The following SYNDIG1 variants were observed in gnomAD, a reference collection of about 807,000 sequenced individuals.
SYNDIG1 encodes synapse differentiation inducing 1.
SYNDIG1 carries 9 observed loss-of-function variants against 19.4 expected under a neutral mutation model. The observed-to-expected ratio is 0.46, with a 90% CI of 0.28 to 0.81. The LOEUF (loss-of-function observed/expected upper bound fraction) is 0.81. Among genes scored for constraint, SYNDIG1 ranks in the 30% least tolerant of loss-of-function variants. The pLI is 0.12. For synonymous variants in SYNDIG1, 141 were observed against 145.9 expected (o/e 0.97, Z 0.24); for missense variants, 311 against 343.3 (o/e 0.91, Z 0.74).
chr20:24,627,129 G>C (rs2059158450), intron 3 of SYNDIG1, among the ~76,000 whole-genome samples: 1 of 138,646 alleles, frequency 7.2e-6, no homozygotes, highest in Non-Finnish European at 1.5e-5. Flanking sequence ...ACCGTGGGGA[G>C]AGGGAGAGGG....
intron 1 of SYNDIG1, among the ~76,000 whole-genome samples, chr20:24,521,344 G>T (rs1440777560): frequency 6.6e-6 from 1 of 152,160 alleles, no homozygotes; most frequent in Middle Eastern, 3.4e-3. Context: ...GCCTTACTCT[G>T]TTGCCCAGGC....
At chr20:24,568,637 C>T (rs1371803180) in intron 2 of SYNDIG1, among the ~76,000 whole-genome samples, 2 of 152,198 alleles carry the variant, frequency 1.3e-5, no homozygotes, top group East Asian at 3.8e-4. Context: ...GTCCTGATCA[C>T]CTCCGTGGAT....
intron 1 of SYNDIG1, among the ~76,000 whole-genome samples, chr20:24,521,270 A>G (rs377425702): frequency 1.3e-5 from 2 of 152,102 alleles, no homozygotes; most frequent in African/African-American, 2.4e-5. Flanking sequence ...TCATGATGCT[A>G]TGCACTTCAG....
intron 3 of SYNDIG1, among the ~76,000 whole-genome samples, chr20:24,599,589 C>T (rs1209673223): frequency 6.6e-6 from 1 of 152,112 alleles, no homozygotes; most frequent in Admixed American, 6.6e-5. Context: ...ACCGAAGTGC[C>T]AATCAGTGGA....
chr20:24,589,484 G>C (rs544073113), intron 3 of SYNDIG1, among the ~76,000 whole-genome samples: 4 of 152,344 alleles, frequency 2.6e-5, no homozygotes, highest in Admixed American at 2.0e-4. Flanking sequence ...AAGGCTTGCA[G>C]GGGAGGAAAG....
At chr20:24,538,501 A>T (rs2057405448) in intron 1 of SYNDIG1, among the ~76,000 whole-genome samples, 1 of 152,156 alleles carries the variant, frequency 6.6e-6, no homozygotes, top group Non-Finnish European at 1.5e-5. Context: ...TTATCCATTC[A>T]TCCACAGACA....
intron 1 of SYNDIG1, among the ~76,000 whole-genome samples, chr20:24,490,020 A>G (rs779615279): frequency 1.3e-5 from 2 of 152,204 alleles, no homozygotes; most frequent in African/African-American, 4.8e-5. Context: ...GCTCCCACAA[A>G]TAACAGAAGA....
At chr20:24,632,294 C>G (rs187162779) in intron 3 of SYNDIG1, among the ~76,000 whole-genome samples, 42 of 152,248 alleles carry the variant, frequency 2.8e-4, no homozygotes, top group African/African-American at 9.4e-4. Context: ...GGCTGGAGTG[C>G]AGTGGTGCGA....
intron 1 of SYNDIG1, among the ~76,000 whole-genome samples, chr20:24,529,162 C>A (rs992802456): frequency 6.6e-6 from 1 of 152,212 alleles, no homozygotes; most frequent in African/African-American, 2.4e-5. Context: ...CATTCACAAT[C>A]TTATCAGTTA....
At chr20:24,522,537 G>C (rs2057027177) in intron 1 of SYNDIG1, among the ~76,000 whole-genome samples, 1 of 152,070 alleles carries the variant, frequency 6.6e-6, no homozygotes, top group Admixed American at 6.6e-5. Flanking sequence ...AACTTCTTAG[G>C]GATGTATTAT....
At chr20:24,485,619 A>G (rs1435337050) in intron 1 of SYNDIG1, among the ~76,000 whole-genome samples, 1 of 152,170 alleles carries the variant, frequency 6.6e-6, no homozygotes, top group Non-Finnish European at 1.5e-5. Flanking sequence ...TTTATTTCGT[A>G]CAGTAATATC....
chr20:24,566,596 C>G lies in SYNDIG1; in HGVS notation c.481-18260C>G, dbSNP rs112625053. ...TGTTCTGATTACATTTGGCTGCAAT[C>G]ACTAATCACTAATCACTGCACACAT... On this transcript the variant is annotated intron_variant, in intron 2 of 3. Transcript: ENST00000376862. 3.3e-3 allele frequency among the ~76,000 whole-genome samples: 495 copies of G among 152,282 alleles called. 1 individual carries two copies. The highest frequency in any genetic ancestry group is 0.011 in the African/African-American group (474 of 41,560).
chr20:24,493,690 T>C (rs1028450704), intron 1 of SYNDIG1, among the ~76,000 whole-genome samples: 15 of 152,142 alleles, frequency 9.9e-5, no homozygotes, highest in African/African-American at 3.6e-4. Flanking sequence ...AAATGCTCAG[T>C]GGAGTTGGTG....
chr20:24,526,281 T>C (rs1467008139), intron 1 of SYNDIG1, among the ~76,000 whole-genome samples: 1 of 151,788 alleles, frequency 6.6e-6, no homozygotes, highest in Non-Finnish European at 1.5e-5. Context: ...CAACTTTTTT[T>C]TTATGTTTCA....
chr20:24,531,380 AG>A (rs1324394103), intron 1 of SYNDIG1, among the ~76,000 whole-genome samples: 1 of 152,208 alleles, frequency 6.6e-6, no homozygotes, highest in Non-Finnish European at 1.5e-5. Flanking sequence ...TGTTTAAGAA[AG>A]GGAGATGAGT....
chr20:24,544,745 C>T (rs969398125), intron 2 of SYNDIG1, among the ~76,000 whole-genome samples: 3 of 152,098 alleles, frequency 2.0e-5, no homozygotes, highest in Non-Finnish European at 4.4e-5. Context: ...ATCAGCACAG[C>T]CAGAGAAGCT....
At chr20:24,504,078 GCCT>G (rs2146403545) in intron 1 of SYNDIG1, among the ~76,000 whole-genome samples, 1 of 150,620 alleles carries the variant, frequency 6.6e-6, no homozygotes, top group Admixed American at 6.7e-5. Flanking sequence ...TCCTGTCTCA[GCCT>G]CCTGAGTAGC....
At chr20:24,661,150 T>C (rs1288596080) in intron 3 of SYNDIG1, among the ~76,000 whole-genome samples, 2 of 152,216 alleles carry the variant, frequency 1.3e-5, no homozygotes, top group African/African-American at 4.8e-5. Context: ...TGTTCTGCTC[T>C]CTTGTTTAGA....
Position 24,544,856 on chromosome 20 carries a change from G to A in SYNDIG1, c.480+1279G>A, listed in dbSNP as rs1483665185. Among the ~76,000 whole-genome samples, 3 of 152,178 alleles carry A rather than the reference G, an allele frequency of 2.0e-5. No homozygotes were observed. In the East Asian group the frequency reaches 5.8e-4, roughly 29 times the overall value. The stretch of plus-strand genomic sequence containing the variant: ...GAGAAACTGCCCAGCTGCAGTATGA[G>A]TTTGTGTGAAGATCTGGTCAGACCC... On this transcript the variant is annotated intron_variant, in intron 2 of 3. Transcript: ENST00000376862.
Sources: allele counts gnomAD v4.1 joint callset (sites outside exome capture counted in the v4.1 genomes callset), GRCh38; gene constraint gnomAD v4.1.1; transcripts MANE v1.5; gene names NCBI Gene and HGNC (gene_info 2026-07-23, HGNC 2026-07-21).